PC: variants seen among roughly 807,000 people sequenced by gnomAD.
The protein encoded by PC is pyruvate carboxylase, mitochondrial.
A neutral mutation model predicts 107.8 loss-of-function variants in PC; 46 were observed. The ratio of observed to expected loss-of-function variants is 0.43; its 90% CI spans 0.34 to 0.55. The LOEUF (loss-of-function observed/expected upper bound fraction) is 0.55. Ranked by LOEUF, PC falls within the 20% of genes least tolerant of loss-of-function variation. The probability of loss-of-function intolerance (pLI) is 0.04; values close to 1 mark genes in which losing one functional copy is unlikely to be tolerated. For synonymous variants in PC, 662 were observed against 684.7 expected (o/e 0.97, Z 0.52); for missense variants, 1,241 against 1,643.1 (o/e 0.76, Z 4.23).
chr11:66,862,742 CA>C (rs1256357389), intron 12 of PC, among the ~76,000 whole-genome samples: 1 of 152,224 alleles, frequency 6.6e-6, no homozygotes, highest in Admixed American at 6.5e-5. Context: ...CAGAGCCCAG[CA>C]AAGGGCTCTT....
chr11:66,859,201 C>A (rs931650660), intron 12 of PC: 4 of 1,328,740 alleles, frequency 3.0e-6, no homozygotes, highest in South Asian at 1.7e-5. Flanking sequence ...GCTGACACCC[C>A]CTCCCCGACC....
chr11:66,922,553 TA>T (rs1198835228), intron 3 of PC, among the ~76,000 whole-genome samples: 2,813 of 84,372 alleles, frequency 0.033, 94 homozygotes, highest in African/African-American at 0.11. Context: ...GACTTTGTCT[TA>T]AAAAAAAAAA....
rs115571420 is a variant in PC, at chr11:66,854,499, T to G, written c.1369-1116A>C. On this transcript the variant is annotated intron_variant, in intron 12 of 22. Coordinates refer to ENST00000393960, the MANE Select transcript of PC (RefSeq NM_001040716.2). ...GCACAGGGGCCCTCGGTTCCACTCA[T>G]TAAATGCCTGGGTGACAACATGAGG... Among the ~76,000 whole-genome samples the G allele has an allele frequency of 1.1e-3, 170 of 152,268 alleles. 1 individual carries two copies. The highest frequency in any genetic ancestry group is 4.0e-3 in the African/African-American group (168 of 41,556).
intron 3 of PC, among the ~76,000 whole-genome samples, chr11:66,899,565 T>A (rs1296138752): frequency 6.6e-6 from 1 of 151,628 alleles, no homozygotes; most frequent in African/African-American, 2.4e-5. Flanking sequence ...CAGGGTCTTA[T>A]GACATTGCCC....
rs747611524 is a variant in PC at position 66,849,378 on chromosome 11, G to A, written c.3148-8C>T. 6.2e-7 allele frequency: 1 copy of A among 1,612,160 alleles called. No homozygotes were observed. Among genetic ancestry groups the A allele is most frequent in the African/African-American group, 1.3e-5 (1 of 74,910 alleles). On this transcript the variant is annotated splice_polypyrimidine_tract_variant and splice_region_variant and intron_variant, in intron 21 of 22. Transcript: ENST00000393960. ...GCCCCGCTCCAGCTCCACCTGCAGG[G>A]AGGGTGTGCAGACTCAGAGCTGGAC... is the stretch of plus-strand genomic sequence containing the variant.
intron 12 of PC, among the ~76,000 whole-genome samples, chr11:66,860,940 C>CT (rs1304232010): frequency 6.6e-6 from 1 of 152,178 alleles, no homozygotes; most frequent in African/African-American, 2.4e-5. Context: ...GTGCTGACAG[C>CT]TGTGTCTGCC....
chr11:66,893,824 TACACCAAACCCAACCAG>T (rs1452684287), intron 3 of PC, among the ~76,000 whole-genome samples: 2 of 107,942 alleles, frequency 1.9e-5, no homozygotes, highest in Non-Finnish European at 3.5e-5. Context: ...ACTGCACACA[TACACCAAACCCAACCAG>T]ACACCTCCTC....
chr11:66,915,757 G>A (rs79716454), intron 3 of PC, among the ~76,000 whole-genome samples: 4,168 of 152,302 alleles, frequency 0.027, 174 homozygotes, highest in African/African-American at 0.086. Context: ...TCACGCTAAC[G>A]TAACAGAGAG....
chr11:66,914,950 A>G (rs1334520232), intron 3 of PC, among the ~76,000 whole-genome samples: 1 of 152,104 alleles, frequency 6.6e-6, no homozygotes, highest in African/African-American at 2.4e-5. Flanking sequence ...AAGTCACTTG[A>G]GCCTGGGGGA....
intron 3 of PC, among the ~76,000 whole-genome samples, chr11:66,926,152 T>C (rs946854800): frequency 6.6e-6 from 1 of 152,226 alleles, no homozygotes; most frequent in Admixed American, 6.5e-5. Context: ...GAATCTCTTA[T>C]AATTAGCAGA....
intron 9 of PC, among the ~76,000 whole-genome samples, chr11:66,869,379 T>C (rs1946631701): frequency 6.6e-6 from 1 of 151,756 alleles, no homozygotes; most frequent in Admixed American, 6.6e-5. Context: ...AGTCCCCTTC[T>C]AGTCTACTGC....
chr11:66,860,128 G>A (rs1263581458), intron 12 of PC: 1 of 1,550,044 alleles, frequency 6.5e-7, no homozygotes, highest in Non-Finnish European at 8.7e-7. Flanking sequence ...GTGCATGGGG[G>A]GCTGCTCGGG....
intron 3 of PC, among the ~76,000 whole-genome samples, chr11:66,931,539 C>T (rs1447716436): frequency 6.6e-6 from 1 of 151,774 alleles, no homozygotes; most frequent in Non-Finnish European, 1.5e-5. Context: ...ATGTTTTAAA[C>T]ATGTCTTCTG....
intron 3 of PC, among the ~76,000 whole-genome samples, chr11:66,891,893 A>C (rs1947589707): frequency 6.6e-6 from 1 of 152,204 alleles, no homozygotes; most frequent in African/African-American, 2.4e-5. Context: ...TTATTACTGA[A>C]GTTGGCTATT....
chr11:66,856,539 T>G (rs1215735681), intron 12 of PC: 1 of 152,452 alleles, frequency 6.6e-6, no homozygotes, highest in Non-Finnish European at 1.5e-5. Flanking sequence ...TTGGGGACCC[T>G]CCACGTGACT....
intron 3 of PC, chr11:66,919,757 G>C (rs1439757996): frequency 3.3e-5 from 5 of 152,162 alleles, no homozygotes; most frequent in African/African-American, 1.2e-4. Context: ...CTGAAACCTA[G>C]GCGTTAGTGT....
At chr11:66,908,609 G>T (rs1368572669) in intron 3 of PC, among the ~76,000 whole-genome samples, 3 of 152,154 alleles carry the variant, frequency 2.0e-5, no homozygotes, top group Non-Finnish European at 2.9e-5. Flanking sequence ...CAGCTCCTTG[G>T]AGGAGGCACA....
Position 66,852,343 on chromosome 11 carries a change from A to G in PC, c.1825+96T>C. ...CTTCCTCTTTGGTGTTCTTCGTGTC[A>G]GCGTCTCTAGCTTGTCCCCAGTGGC... On this transcript the variant is annotated intron_variant, in intron 15 of 22. Coordinates refer to ENST00000393960, the MANE Select transcript of PC (RefSeq NM_001040716.2). This position sits in a 1 kb window ranked among gnomAD's most constrained non-coding sequence, Gnocchi z 4.7. 1 of 1,019,290 alleles carries G rather than the reference A, an allele frequency of 9.8e-7. No homozygotes were observed. The highest frequency in any genetic ancestry group is 1.5e-6 in the Non-Finnish European group (1 of 646,478). The allele number at this position is 1,019,290 out of a possible 1,614,324, so 63.1% of individuals were successfully genotyped here.
chr11:66,923,076 C>A (rs1477370185), intron 3 of PC, among the ~76,000 whole-genome samples: 1 of 152,120 alleles, frequency 6.6e-6, no homozygotes, highest in Non-Finnish European at 1.5e-5. Context: ...GGCAAGAAGT[C>A]GGGCTAGGCA....
Sources: allele counts gnomAD v4.1 joint callset (sites outside exome capture counted in the v4.1 genomes callset), GRCh38; gene constraint gnomAD v4.1.1; non-coding constraint Gnocchi (gnomAD v3.1); transcripts MANE v1.5; gene names NCBI Gene and HGNC (gene_info 2026-07-23, HGNC 2026-07-21).